The following OXR1 variants were observed in gnomAD, a reference collection of about 807,000 sequenced individuals.
OXR1 encodes the protein oxidation resistance 1.
OXR1 carries 41 observed loss-of-function variants against 104.6 expected under a neutral mutation model. That is an observed-to-expected ratio of 0.39 (90% CI 0.31 to 0.51). The LOEUF is 0.51. Among genes scored for constraint, OXR1 ranks in the 20% least tolerant of loss-of-function variants. The probability of loss-of-function intolerance (pLI) is 0.77; values close to 1 mark genes in which losing one functional copy is unlikely to be tolerated. For missense variants in OXR1, 955 were observed against 1,031.9 expected, an observed-to-expected ratio of 0.93 and a Z score of 1.02; for synonymous variants, 348 against 348.4, an observed-to-expected ratio of 1.00 and a Z score of 0.01.
At chr8:106,742,572 A>G (rs1041782727) in intron 15 of OXR1, 1 of 295,870 alleles carries the variant, frequency 3.4e-6, no homozygotes, top group African/African-American at 2.2e-5. Context: ...AGTAACCAAA[A>G]TAGCATGGTA....
chr8:106,289,563 A>G (rs1213827186), intron 1 of OXR1, among the ~76,000 whole-genome samples: 2 of 152,242 alleles, frequency 1.3e-5, no homozygotes, highest in Admixed American at 6.5e-5. Context: ...GGAAGAATCA[A>G]TTTCATTAAA....
At chr8:106,698,016 C>T (rs769665714) in intron 7 of OXR1, 1 of 1,609,012 alleles carries the variant, frequency 6.2e-7, no homozygotes, top group Non-Finnish European at 8.5e-7. Context: ...TTGGCCATTC[C>T]AATGGGTGGC....
chr8:106,738,180 T>TAA (rs1319536405), intron 12 of OXR1, among the ~76,000 whole-genome samples: 1 of 152,018 alleles, frequency 6.6e-6, no homozygotes, highest in Non-Finnish European at 1.5e-5. Flanking sequence ...AAGAAAGCAA[T>TAA]GTAATTGAAA....
At chr8:106,344,316 TTTTTTG>T (rs200113828) in intron 1 of OXR1, among the ~76,000 whole-genome samples, 1 of 151,690 alleles carries the variant, frequency 6.6e-6, no homozygotes, top group Non-Finnish European at 1.5e-5. Context: ...CTAGCCACCG[TTTTTTG>T]TTTTTGTTTT....
At chr8:106,309,949 T>A (rs1813628216) in intron 1 of OXR1, among the ~76,000 whole-genome samples, 1 of 151,840 alleles carries the variant, frequency 6.6e-6, no homozygotes, top group African/African-American at 2.4e-5. Context: ...ATGTTCAACA[T>A]TTTTAGCTGC....
chr8:106,288,680 A>G (rs1812611823), intron 1 of OXR1, among the ~76,000 whole-genome samples: 2 of 147,344 alleles, frequency 1.4e-5, no homozygotes, highest in African/African-American at 4.9e-5. Flanking sequence ...AAATTTATGT[A>G]TTAAATATAC....
chr8:106,534,261 C>T (rs1620490), intron 3 of OXR1, among the ~76,000 whole-genome samples: 11,673 of 152,194 alleles, frequency 0.077, 500 homozygotes, highest in African/African-American at 0.094. Context: ...CTTTCATCAT[C>T]GAACAGCACA....
At chr8:106,273,520 G>A (rs1428824780) in intron 1 of OXR1, among the ~76,000 whole-genome samples, 1 of 152,192 alleles carries the variant, frequency 6.6e-6, no homozygotes, top group Non-Finnish European at 1.5e-5. Context: ...GGGATGCTGT[G>A]AACATTCTAC....
chr8:106,682,594 T>G (rs1330233426), intron 4 of OXR1: 1 of 154,256 alleles, frequency 6.5e-6, no homozygotes, highest in Non-Finnish European at 1.5e-5. Context: ...TAATGCCTTG[T>G]GTAATGGGGA....
chr8:106,717,573 AT>A (rs1373626015), intron 11 of OXR1, among the ~76,000 whole-genome samples: 2 of 152,226 alleles, frequency 1.3e-5, no homozygotes, highest in African/African-American at 4.8e-5. Flanking sequence ...GGAAGTTTGT[AT>A]ATGATAAATT....
chr8:106,311,881 G>A (rs893489634), intron 1 of OXR1, among the ~76,000 whole-genome samples: 5 of 151,718 alleles, frequency 3.3e-5, no homozygotes, highest in African/African-American at 9.7e-5. Context: ...TTCACTTTCC[G>A]GCATTTATAA....
At position 106,299,167 on chromosome 8, in the gene OXR1, C is replaced by T. The variant is rs2938300; in HGVS notation, c.-139+28800C>T. Among the ~76,000 whole-genome samples the T allele has an allele frequency of 0.013, 1,911 of 152,002 alleles. 134 individuals are homozygous for T. In the East Asian group the frequency reaches 0.18, roughly 14 times the overall value. On this transcript the variant is annotated intron_variant, in intron 1 of 16. Transcript: ENST00000517566. ...GCAGATTAACTGCACCTCTCCTTTACCTCATTTCATTCTGGACTGAGGCTG... is the reference window on the plus strand; with the variant it reads ...GCAGATTAACTGCACCTCTCCTTTATCTCATTTCATTCTGGACTGAGGCTG...
intron 1 of OXR1, among the ~76,000 whole-genome samples, chr8:106,349,461 A>G (rs1484090504): frequency 6.6e-6 from 1 of 152,158 alleles, no homozygotes; most frequent in African/African-American, 2.4e-5. Context: ...AAAGAGGAGA[A>G]AGTGACTTCA....
chr8:106,544,311 C>T (rs911050887), intron 3 of OXR1, among the ~76,000 whole-genome samples: 8 of 151,378 alleles, frequency 5.3e-5, no homozygotes, highest in African/African-American at 1.7e-4. Flanking sequence ...CCTTAGCAAT[C>T]AATGAGATTT....
At chr8:106,283,920 A>G (rs1305579225) in intron 1 of OXR1, among the ~76,000 whole-genome samples, 3 of 152,136 alleles carry the variant, frequency 2.0e-5, no homozygotes, top group Non-Finnish European at 4.4e-5. Flanking sequence ...TCATAGTGAC[A>G]TCTGCCAAAT....
intron 6 of OXR1, among the ~76,000 whole-genome samples, chr8:106,689,964 A>C: frequency 6.6e-6 from 1 of 151,730 alleles, no homozygotes; most frequent in Non-Finnish European, 1.5e-5. Flanking sequence ...GACATCCTTT[A>C]ACAATTCACA....
intron 1 of OXR1, among the ~76,000 whole-genome samples, chr8:106,277,936 A>G (rs1229459789): frequency 1.3e-5 from 2 of 152,196 alleles, no homozygotes; most frequent in Admixed American, 6.5e-5. Flanking sequence ...GTGTTTTCCC[A>G]TAGAAAATTG....
At chr8:106,564,290 G>T (rs771336304) in intron 3 of OXR1, among the ~76,000 whole-genome samples, 3 of 152,058 alleles carry the variant, frequency 2.0e-5, no homozygotes, top group Non-Finnish European at 4.4e-5. Context: ...ATAAAAAAAT[G>T]ATAAAGGGGA....
intron 1 of OXR1, among the ~76,000 whole-genome samples, chr8:106,322,911 C>G (rs936985499): frequency 3.3e-5 from 5 of 152,124 alleles, no homozygotes; most frequent in African/African-American, 9.7e-5. Context: ...GAAAAACACT[C>G]TATGCACATG....
Sources: gnomAD v4.1 joint callset for allele counts (sites outside exome capture counted in the v4.1 genomes callset) on GRCh38, gnomAD v4.1.1 for gene constraint, MANE v1.5 for transcripts, NCBI Gene and HGNC (gene_info 2026-07-23, HGNC 2026-07-21) for gene names.